Variants in FBXL13 observed in about 807,000 individuals in gnomAD.
FBXL13 encodes F-box and leucine-rich repeat protein 13.
In FBXL13, 67 loss-of-function variants were observed where a neutral mutation model predicts 83.6. That is an observed-to-expected ratio of 0.80 (90% CI 0.66 to 0.98). FBXL13 has a LOEUF of 0.98. Among genes scored for constraint, FBXL13 ranks in the 50% least tolerant of loss-of-function variants. The pLI is 0.00. For synonymous variants in FBXL13, 272 were observed against 299.5 expected (o/e 0.91, Z 0.95); for missense variants, 822 against 866.5 (o/e 0.95, Z 0.64).
chr7:102,830,354 C>G (rs1009335106), intron 18 of FBXL13, among the ~76,000 whole-genome samples: 5 of 152,188 alleles, frequency 3.3e-5, no homozygotes, highest in Non-Finnish European at 7.3e-5. Flanking sequence ...CAGGGCAGTT[C>G]TCACTTCTCA....
At chr7:103,013,679 G>C (rs543616315) in intron 6 of FBXL13, among the ~76,000 whole-genome samples, 1 of 152,184 alleles carries the variant, frequency 6.6e-6, no homozygotes, top group East Asian at 1.9e-4. Context: ...ACATCAAAAA[G>C]TTAGAAATAT....
At chr7:102,818,913 G>A (rs1434679736) in intron 19 of FBXL13, among the ~76,000 whole-genome samples, 1 of 152,058 alleles carries the variant, frequency 6.6e-6, no homozygotes, top group Admixed American at 6.6e-5. Flanking sequence ...ATTAAGCCCA[G>A]TATCTATTAG....
intron 16 of FBXL13, among the ~76,000 whole-genome samples, chr7:102,856,130 C>T (rs954149069): frequency 1.3e-5 from 2 of 152,090 alleles, no homozygotes; most frequent in African/African-American, 4.8e-5. Context: ...TTCTATGCAA[C>T]CTCATTCTTT....
chr7:102,894,445 T>C lies in FBXL13; in HGVS notation c.1009-10133A>G, dbSNP rs114178021. Among the ~76,000 whole-genome samples, 568 of 152,044 alleles carry C rather than the reference T, an allele frequency of 3.7e-3. 5 individuals are homozygous for C. The highest frequency in any genetic ancestry group is 0.014 in the African/African-American group (561 of 41,452). On this transcript the variant is annotated intron_variant, in intron 11 of 19. Coordinates refer to ENST00000313221, the Ensembl canonical transcript of FBXL13. ...AAATATAATTGGTGAAAAAATAGAG[T>C]GCACATGGTGACTCATGCCTGTAAT...
intron 14 of FBXL13, among the ~76,000 whole-genome samples, chr7:102,879,622 A>G (rs1391998196): frequency 6.6e-6 from 1 of 152,152 alleles, no homozygotes; most frequent in Non-Finnish European, 1.5e-5. Flanking sequence ...TTTGTTTTTT[A>G]ATACACAAGC....
chr7:103,060,644 T>C (rs1797813896), intron 1 of FBXL13, among the ~76,000 whole-genome samples: 1 of 152,152 alleles, frequency 6.6e-6, no homozygotes, highest in African/African-American at 2.4e-5. Context: ...CAAAAACAAA[T>C]GTAAGACACT....
chr7:103,010,263 A>G (rs573265668), intron 6 of FBXL13, among the ~76,000 whole-genome samples: 20 of 151,250 alleles, frequency 1.3e-4, no homozygotes, highest in Admixed American at 9.9e-4. Flanking sequence ...TCCCACTCCT[A>G]TGTGAACTTA....
At position 102,919,029 on chromosome 7, in the gene FBXL13, C is replaced by G. The variant is rs75018922; in HGVS notation, c.879-5814G>C. On this transcript the variant is annotated intron_variant, in intron 10 of 19. Coordinates refer to ENST00000313221, the Ensembl canonical transcript of FBXL13. ...AATTCCTGAAACAGTGTTAGAGAAA[C>G]CTCAGGGACCTCCCACAGTGGTCAC... 6.2e-3 allele frequency among the ~76,000 whole-genome samples: 937 copies of G among 152,212 alleles called. 27 individuals are homozygous for G. In the East Asian group the frequency reaches 0.069, roughly 11 times the overall value.
At chr7:102,977,208 T>C (rs553050941) in intron 6 of FBXL13, among the ~76,000 whole-genome samples, 2 of 152,260 alleles carry the variant, frequency 1.3e-5, no homozygotes, top group African/African-American at 2.4e-5. Flanking sequence ...CCCATATATA[T>C]GCTAAATAGA....
At chr7:102,875,648 C>T (rs1809127643) in intron 16 of FBXL13, among the ~76,000 whole-genome samples, 1 of 152,048 alleles carries the variant, frequency 6.6e-6, no homozygotes, top group African/African-American at 2.4e-5. Flanking sequence ...CAACCCTGAG[C>T]ATGCAAAACT....
At chr7:103,013,362 C>T (rs973073204) in intron 6 of FBXL13, among the ~76,000 whole-genome samples, 2 of 152,174 alleles carry the variant, frequency 1.3e-5, no homozygotes, top group Admixed American at 6.5e-5. Flanking sequence ...GGCCCATACT[C>T]TAAAATCAAC....
chr7:102,956,562 G>A (rs887540000), intron 8 of FBXL13, among the ~76,000 whole-genome samples: 6 of 152,066 alleles, frequency 3.9e-5, no homozygotes, highest in Non-Finnish European at 8.8e-5. Flanking sequence ...AGAAATAAAG[G>A]GTATTCAGTT....
At position 102,989,623 on chromosome 7, in the gene FBXL13, C is replaced by A. The variant is rs541258753; in HGVS notation, c.496-21506G>T. ...GCTCTCAGCAGCATAGGGAGGCCTG[C>A]AGTTGTTCAGCTGTGCAGTGACCGA... On this transcript the variant is annotated intron_variant, in intron 6 of 19. Coordinates refer to ENST00000313221, the Ensembl canonical transcript of FBXL13. 2.0e-5 allele frequency among the ~76,000 whole-genome samples: 3 copies of A among 152,290 alleles called. No individual in the cohort carries two copies. The East Asian group carries it at 5.8e-4, about 29-fold the overall frequency.
At chr7:103,071,551 CTT>C (rs774310534) in intron 1 of FBXL13, among the ~76,000 whole-genome samples, 37 of 126,104 alleles carry the variant, frequency 2.9e-4, no homozygotes, top group Admixed American at 4.1e-4. Flanking sequence ...GACAAGTTAG[CTT>C]TTTTTTTTTT....
chr7:102,842,321 A>G (rs1484982405), intron 17 of FBXL13, among the ~76,000 whole-genome samples: 1 of 152,210 alleles, frequency 6.6e-6, no homozygotes, highest in Non-Finnish European at 1.5e-5. Flanking sequence ...TTACTGAATG[A>G]CTTAATCTTG....
intron 14 of FBXL13, among the ~76,000 whole-genome samples, chr7:102,881,578 G>GC (rs1162847798): frequency 6.6e-6 from 1 of 150,616 alleles, no homozygotes; most frequent in African/African-American, 2.5e-5. Context: ...GTGTGTGTGG[G>GC]GGGGGTGGGT....
chr7:102,981,350 T>G (rs1265873589), intron 6 of FBXL13, among the ~76,000 whole-genome samples: 11 of 152,154 alleles, frequency 7.2e-5, no homozygotes. Flanking sequence ...AAATTTTTAC[T>G]TATTTGATCT....
chr7:102,843,158 G>A (rs1803264481), intron 17 of FBXL13, among the ~76,000 whole-genome samples: 1 of 152,096 alleles, frequency 6.6e-6, no homozygotes, highest in Admixed American at 6.5e-5. Context: ...TATTTCAAGT[G>A]GTAGGCCGGG....
At chr7:102,989,447 C>T (rs1429583055) in intron 6 of FBXL13, among the ~76,000 whole-genome samples, 1 of 152,174 alleles carries the variant, frequency 6.6e-6, no homozygotes, top group African/African-American at 2.4e-5. Flanking sequence ...TATCTAGAAA[C>T]ACTTTAGAAA....
Sources: gnomAD v4.1 joint callset for allele counts (sites outside exome capture counted in the v4.1 genomes callset) on GRCh38, gnomAD v4.1.1 for gene constraint, MANE v1.5 for transcripts, NCBI Gene and HGNC (gene_info 2026-07-23, HGNC 2026-07-21) for gene names.